RBFOX1: variants seen among roughly 807,000 people sequenced by gnomAD.
RBFOX1 encodes the protein RNA binding fox-1 homolog 1, also known as RNA binding protein fox-1 homolog 1.
A neutral mutation model predicts 57.7 loss-of-function variants in RBFOX1; 8 were observed. The ratio of observed to expected loss-of-function variants is 0.14; its 90% CI spans 0.08 to 0.25. RBFOX1 has a LOEUF of 0.25. Among genes scored for constraint, RBFOX1 ranks in the 10% least tolerant of loss-of-function variants. RBFOX1 has a pLI of 1.00. For missense variants in RBFOX1, 611 were observed against 548.5 expected, an observed-to-expected ratio of 1.11 and a Z score of -1.14; for synonymous variants, 326 against 222.4, an observed-to-expected ratio of 1.47 and a Z score of -4.15.
chr16:7,227,901 C>G (rs569471771), intron 4 of RBFOX1, among the ~76,000 whole-genome samples: 17 of 152,298 alleles, frequency 1.1e-4, no homozygotes, highest in African/African-American at 3.8e-4. Context: ...CGTGGTTATC[C>G]TTTCCCTTCT....
chr16:7,687,456 G>A (rs1437528828), intron 14 of RBFOX1, among the ~76,000 whole-genome samples: 1 of 152,024 alleles, frequency 6.6e-6, no homozygotes, highest in East Asian at 1.9e-4. Flanking sequence ...TGCCTGATAT[G>A]TAGCAAGCCC....
At chr16:6,394,352 T>G (rs553775667) in intron 2 of RBFOX1, among the ~76,000 whole-genome samples, 1 of 152,350 alleles carries the variant, frequency 6.6e-6, no homozygotes, top group East Asian at 1.9e-4. Flanking sequence ...GGAAATTATT[T>G]TGTTTTTAAA....
At chr16:5,297,727 G>A (rs141892330) in intron 1 of RBFOX1, among the ~76,000 whole-genome samples, 1 of 152,310 alleles carries the variant, frequency 6.6e-6, no homozygotes, top group Non-Finnish European at 1.5e-5. Flanking sequence ...CTTGAGGCCA[G>A]TGTTTCTCAA....
chr16:5,961,651 C>T (rs1397191430), intron 4 of RBFOX1, among the ~76,000 whole-genome samples: 1 of 152,174 alleles, frequency 6.6e-6, no homozygotes, highest in Non-Finnish European at 1.5e-5. Context: ...TCCCAAGCAG[C>T]TGAGAATACA....
chr16:6,103,519 A>G (rs905871750), intron 1 of RBFOX1, among the ~76,000 whole-genome samples: 1 of 152,116 alleles, frequency 6.6e-6, no homozygotes, highest in African/African-American at 2.4e-5. Flanking sequence ...AACAGCATCA[A>G]AGTTGATGCC....
At chr16:5,827,977 G>A (rs2056131973) in intron 3 of RBFOX1, among the ~76,000 whole-genome samples, 1 of 112,014 alleles carries the variant, frequency 8.9e-6, no homozygotes, top group Non-Finnish European at 1.7e-5. Context: ...ATCCATCCAT[G>A]CATTCCTCTA....
At chr16:5,545,902 T>C (rs1446994390) in intron 2 of RBFOX1, among the ~76,000 whole-genome samples, 2 of 152,242 alleles carry the variant, frequency 1.3e-5, no homozygotes, top group East Asian at 3.9e-4. Context: ...TATTTACAGA[T>C]AGCAAGATCT....
At chr16:6,054,575 G>A (rs139347153) in intron 1 of RBFOX1, among the ~76,000 whole-genome samples, 33 of 152,246 alleles carry the variant, frequency 2.2e-4, no homozygotes, top group African/African-American at 7.7e-4. Flanking sequence ...CCCTGACCAT[G>A]ATTCATATTG....
intron 1 of RBFOX1, among the ~76,000 whole-genome samples, chr16:6,206,967 G>C (rs1011599645): frequency 6.1e-5 from 9 of 147,886 alleles, no homozygotes; most frequent in African/African-American, 2.0e-4. Flanking sequence ...TAGTGAACTG[G>C]AATGTGATCA....
intron 4 of RBFOX1, among the ~76,000 whole-genome samples, chr16:7,094,396 T>TG (rs146903399): frequency 0.2 from 31,015 of 151,832 alleles, 4,132 homozygotes; most frequent in Non-Finnish European, 0.28. Context: ...ACATTCCAGG[T>TG]GAAAAAAAAC....
intron 4 of RBFOX1, among the ~76,000 whole-genome samples, chr16:7,321,071 C>CG (rs1555708876): frequency 0.076 from 5,546 of 72,568 alleles, 361 homozygotes; most frequent in African/African-American, 0.17. Context: ...ATCTGTCTAT[C>CG]TATACGTATA....
rs537251686 is a variant in RBFOX1, at chr16:7,522,005, C to T, written c.270+3616C>T. ...TGGATTCATCCCATATAAGCCCTCTCGTGGGAATCAATCTCCATTCCTGGC... is the reference window on the plus strand; with the variant it reads ...TGGATTCATCCCATATAAGCCCTCTTGTGGGAATCAATCTCCATTCCTGGC... On this transcript the variant is annotated intron_variant, in intron 5 of 15. Transcript: ENST00000550418. 1.3e-3 allele frequency among the ~76,000 whole-genome samples: 202 copies of T among 152,240 alleles called. 2 individuals are homozygous for T. Among genetic ancestry groups the T allele is most frequent in the African/African-American group, 4.5e-3 (189 of 41,562 alleles).
At chr16:7,542,121 T>C (rs2083119328) in intron 5 of RBFOX1, among the ~76,000 whole-genome samples, 1 of 152,170 alleles carries the variant, frequency 6.6e-6, no homozygotes, top group Non-Finnish European at 1.5e-5. Context: ...GAGATTGTGA[T>C]GAATGCAACA....
intron 1 of RBFOX1, among the ~76,000 whole-genome samples, chr16:6,081,711 T>C (rs982241701): frequency 7.9e-5 from 12 of 152,314 alleles, no homozygotes; most frequent in African/African-American, 2.4e-5. Context: ...TTGAGCTAAA[T>C]GGGGAAGAAG....
chr16:5,829,555 G>A (rs895829119), intron 3 of RBFOX1, among the ~76,000 whole-genome samples: 3 of 152,080 alleles, frequency 2.0e-5, no homozygotes, highest in Admixed American at 6.5e-5. Flanking sequence ...TGAGGATTCT[G>A]GTGGCCCTCT....
At chr16:7,185,517 A>G (rs541693806) in intron 4 of RBFOX1, among the ~76,000 whole-genome samples, 1 of 152,334 alleles carries the variant, frequency 6.6e-6, no homozygotes, top group South Asian at 2.1e-4. Context: ...TCTTATGATA[A>G]CATGGATCAC....
rs144374405 is a variant in RBFOX1, at chr16:7,148,540, T to G, written c.27+96442T>G. ...AACATATTAAGGCCGCAGTGCCGAG[T>G]TCCCTGAACAGACAACATAGCTGTT... On this transcript the variant is annotated intron_variant, in intron 4 of 15. Coordinates refer to ENST00000550418, the MANE Select transcript of RBFOX1 (RefSeq NM_018723.4). Among the ~76,000 whole-genome samples, 60 of 152,276 alleles carry G rather than the reference T, an allele frequency of 3.9e-4. 2 individuals carry two copies. In the East Asian group the frequency reaches 0.011, roughly 27 times the overall value.
chr16:6,188,957 C>T (rs144666097), intron 1 of RBFOX1, among the ~76,000 whole-genome samples: 398 of 152,256 alleles, frequency 2.6e-3, no homozygotes, highest in Non-Finnish European at 5.0e-3. Context: ...CCAAATGAGA[C>T]TCCAAGTGCA....
Position 6,088,119 on chromosome 16 carries a change from T to C in RBFOX1, c.-127+68127T>C, listed in dbSNP as rs555889049. Among the ~76,000 whole-genome samples, 8 of 152,298 alleles carry C rather than the reference T, an allele frequency of 5.3e-5. No individual in the cohort carries two copies. In the East Asian group the frequency reaches 9.6e-4, roughly 18 times the overall value. The stretch of plus-strand genomic sequence containing the variant: ...TCACCGTCTCGTTATTTCAACCTCA[T>C]CATCTGTAACGGTGGCCATAGAACC... On this transcript the variant is annotated intron_variant, in intron 1 of 15. Coordinates refer to ENST00000550418, the MANE Select transcript of RBFOX1 (RefSeq NM_018723.4).
Sources: gnomAD v4.1 joint callset for allele counts (sites outside exome capture counted in the v4.1 genomes callset) on GRCh38, gnomAD v4.1.1 for gene constraint, MANE v1.5 for transcripts, NCBI Gene and HGNC (gene_info 2026-07-23, HGNC 2026-07-21) for gene names.